Variants in HHIP observed in about 807,000 individuals in gnomAD.
HHIP encodes the protein hedgehog-interacting protein.
HHIP carries 12 observed loss-of-function variants against 74.0 expected under a neutral mutation model. That is an observed-to-expected ratio of 0.16 (90% CI 0.10 to 0.26). The LOEUF is 0.26. Ranked by LOEUF, HHIP falls within the 10% of genes least tolerant of loss-of-function variation. The probability of loss-of-function intolerance (pLI) is 1.00; values close to 1 mark genes in which losing one functional copy is unlikely to be tolerated. For synonymous variants in HHIP, 309 were observed against 311.6 expected (o/e 0.99, Z 0.09); for missense variants, 788 against 845.0 (o/e 0.93, Z 0.84).
chr4:144,676,797 A>T (rs1729181178), intron 4 of HHIP, among the ~76,000 whole-genome samples: 1 of 152,236 alleles, frequency 6.6e-6, no homozygotes, highest in Admixed American at 6.5e-5. Context: ...CAGAAAAACT[A>T]TAAATGACCT....
chr4:144,686,068 C>T (rs1421931622), intron 4 of HHIP, among the ~76,000 whole-genome samples: 6 of 152,162 alleles, frequency 3.9e-5, no homozygotes, highest in Non-Finnish European at 7.3e-5. Context: ...TGGGATGTGG[C>T]TTGGAGGCAC....
At chr4:144,702,135 A>C (rs1414549966) in intron 4 of HHIP, among the ~76,000 whole-genome samples, 1 of 152,216 alleles carries the variant, frequency 6.6e-6, no homozygotes, top group Non-Finnish European at 1.5e-5. Flanking sequence ...CCAGGGTGAT[A>C]GAGTGAAACC....
intron 6 of HHIP, 43 bp from the exon 7 acceptor site, chr4:144,708,125 T>C: frequency 1.9e-6 from 3 of 1,598,274 alleles, no homozygotes; most frequent in Non-Finnish European, 2.6e-6. Context: ...GTGAAATATA[T>C]AATGAAAATG....
intron 4 of HHIP, among the ~76,000 whole-genome samples, chr4:144,699,024 A>G (rs1729902016): frequency 6.6e-6 from 1 of 152,148 alleles, no homozygotes; most frequent in Non-Finnish European, 1.5e-5. Context: ...CACACCCACC[A>G]GTCCTCCCAC....
chr4:144,670,707 GAA>G (rs199920533), intron 4 of HHIP, among the ~76,000 whole-genome samples: 3 of 30,310 alleles, frequency 9.9e-5, no homozygotes, highest in Admixed American at 3.9e-4. Flanking sequence ...ATTTCTTTAA[GAA>G]AAAAAAAAAA....
chr4:144,706,778 C>A, intron 5 of HHIP, 96 bp downstream of exon 5: 1 of 1,119,210 alleles, frequency 8.9e-7, no homozygotes, highest in Non-Finnish European at 1.3e-6. Flanking sequence ...AAATAAGTAA[C>A]CATAAGGTGG....
At position 144,744,740 on chromosome 4, in the gene HHIP, T is replaced by C. The variant is rs921687460; in HGVS notation, c.*6783T>C. 1.3e-5 allele frequency: 2 copies of C among 150,296 alleles called. No individual in the cohort carries two copies. Among genetic ancestry groups the C allele is most frequent in the African/African-American group, 2.5e-5 (1 of 40,780 alleles). The allele number at this position is 150,296 out of a possible 1,614,324, so 9.3% of individuals were successfully genotyped here. A position where few individuals can be genotyped will look rare whatever the true frequency, so the allele number is the denominator to read the frequency against. ...CAAATATTTATTAAAGTGCCTACCA[T>C]GATTATGTGCTGTAGAAAAGACAAG... On this transcript the variant is annotated 3_prime_UTR_variant, in exon 13 of 13. Coordinates refer to ENST00000296575, the MANE Select transcript of HHIP (RefSeq NM_022475.3).
rs778753376 is a variant in HHIP at position 144,652,769 on chromosome 4, C to G, written c.444C>G (p.Phe148Leu). ...TCTGCAAAGACTATTGCAAAGAATT[C>G]TTTTACACTTGCCGAGGCCATATTC... is the stretch of plus-strand genomic sequence containing the variant. ...PLLCKDYCKE[F>L]FYTCRGHIPG... Residue 148 changes from phenylalanine to leucine, a missense_variant, in exon 2 of 13, where the codon TTC (phenylalanine) becomes TTG (leucine). This residue lies in a region of HHIP where 373 missense variants were observed against 366.4 expected (regional missense o/e 1.02). Transcript: ENST00000296575. The G allele has an allele frequency of 1.9e-6, 3 of 1,598,422 alleles. No homozygotes were observed. Among genetic ancestry groups the G allele is most frequent in the Admixed American group, 1.8e-5 (1 of 55,334 alleles).
chr4:144,687,670 C>T (rs1192999390), intron 4 of HHIP, among the ~76,000 whole-genome samples: 1 of 150,920 alleles, frequency 6.6e-6, no homozygotes, highest in Non-Finnish European at 1.5e-5. Context: ...TCAGTTGCAT[C>T]ACTCCTCCAC....
At chr4:144,714,455 A>G in intron 9 of HHIP, 107 bp downstream of exon 9, 1 of 1,097,122 alleles carries the variant, frequency 9.1e-7, no homozygotes, top group South Asian at 1.4e-5. Flanking sequence ...TTTGTGCATC[A>G]GATGGGGAAT....
chr4:144,711,625 T>C (rs1461654833), intron 7 of HHIP, among the ~76,000 whole-genome samples: 1 of 152,220 alleles, frequency 6.6e-6, no homozygotes, highest in African/African-American at 2.4e-5. Context: ...ACACCGATTC[T>C]TATTCACAAT....
Position 144,667,484 on chromosome 4 carries a change from T to G in HHIP, c.831+7646T>G, listed in dbSNP as rs553296510. On this transcript the variant is annotated intron_variant, in intron 4 of 12. Transcript: ENST00000296575. ...AGTTATTGACGCATGTGGACTGGCT[T>G]TCTTTACCTCAGAAAGATAAACCTA... Among the ~76,000 whole-genome samples the G allele has an allele frequency of 7.2e-5, 11 of 152,374 alleles. No individual in the cohort carries two copies. In the East Asian group the frequency reaches 1.5e-3, roughly 21 times the overall value.
intron 2 of HHIP, among the ~76,000 whole-genome samples, chr4:144,655,240 A>G (rs1215036086): frequency 6.6e-6 from 1 of 152,176 alleles, no homozygotes; most frequent in Non-Finnish European, 1.5e-5. Context: ...TAATCATAAT[A>G]TTTTCCAGTT....
intron 4 of HHIP, among the ~76,000 whole-genome samples, chr4:144,660,574 A>G (rs535485670): frequency 1.3e-4 from 19 of 151,506 alleles, no homozygotes; most frequent in Non-Finnish European, 2.4e-4. Flanking sequence ...TATCCTTTTC[A>G]TTTCTTAACT....
intron 2 of HHIP, among the ~76,000 whole-genome samples, chr4:144,653,886 A>T (rs1396177935): frequency 6.6e-6 from 1 of 152,114 alleles, no homozygotes; most frequent in Admixed American, 6.6e-5. Flanking sequence ...GTCTTCATAA[A>T]CCACAGCCAT....
At chr4:144,709,890 A>G (rs1370903500) in intron 7 of HHIP, among the ~76,000 whole-genome samples, 2 of 152,182 alleles carry the variant, frequency 1.3e-5, no homozygotes, top group African/African-American at 4.8e-5. Context: ...ATCATCCCCC[A>G]TAGAGAAACA....
Position 144,740,224 on chromosome 4 carries a change from A to C in HHIP, c.*2267A>C, listed in dbSNP as rs1227890099. 3.9e-5 allele frequency: 6 copies of C among 152,306 alleles called. No individual in the cohort carries two copies. The East Asian group carries it at 7.7e-4, about 20-fold the overall frequency. The allele number at this position is 152,306 out of a possible 1,614,324, so 9.4% of individuals were successfully genotyped here. On this transcript the variant is annotated 3_prime_UTR_variant, in exon 13 of 13. Coordinates refer to ENST00000296575, the MANE Select transcript of HHIP (RefSeq NM_022475.3). Reference sequence around the variant, plus strand: ...AAAAAAATCAAGCATTACTTCTTACATCTTTAAACTTTCCATCTCCTCCCC... The same window carrying C: ...AAAAAAATCAAGCATTACTTCTTACCTCTTTAAACTTTCCATCTCCTCCCC...
Position 144,707,861 on chromosome 4 carries a change from C to A in HHIP, c.1158-307C>A, listed in dbSNP as rs202173684. Among the ~76,000 whole-genome samples, 21 of 152,248 alleles carry A rather than the reference C, an allele frequency of 1.4e-4. No individual in the cohort carries two copies. The East Asian group carries it at 3.9e-3, about 28-fold the overall frequency. On this transcript the variant is annotated intron_variant, in intron 6 of 12. Coordinates refer to ENST00000296575, the MANE Select transcript of HHIP (RefSeq NM_022475.3). ...CATTATGGCTCACTGTGGCTTCAAA[C>A]CCCTGGGCTCAAGAGATCCGCCTGG...
intron 4 of HHIP, among the ~76,000 whole-genome samples, chr4:144,691,483 G>A (rs1231159543): frequency 3.9e-5 from 6 of 152,170 alleles, no homozygotes; most frequent in African/African-American, 7.2e-5. Flanking sequence ...CTGATGGATT[G>A]CTGCTTCAGG....
Sources: gnomAD v4.1 joint callset for allele counts (sites outside exome capture counted in the v4.1 genomes callset) on GRCh38, gnomAD v4.1.1 for gene constraint, gnomAD v4.1.1 regional missense constraint, MANE v1.5 for transcripts, NCBI Gene and HGNC (gene_info 2026-07-23, HGNC 2026-07-21) for gene names.